The following RBFOX1 variants were observed in gnomAD, a reference collection of about 807,000 sequenced individuals.
RBFOX1 encodes RNA binding protein fox-1 homolog 1.
In RBFOX1, 8 loss-of-function variants were observed where a neutral mutation model predicts 57.7. That is an observed-to-expected ratio of 0.14 (90% CI 0.08 to 0.25). The LOEUF is 0.25. RBFOX1 is among the 10% of genes least tolerant of loss of function. The pLI, the probability that RBFOX1 is intolerant of heterozygous loss-of-function variation, is 1.00. For missense variants in RBFOX1, 611 were observed against 548.5 expected (o/e 1.11, Z -1.14); for synonymous variants, 326 against 222.4 (o/e 1.47, Z -4.15).
intron 14 of RBFOX1, among the ~76,000 whole-genome samples, chr16:7,695,331 C>G (rs952122609): frequency 1.3e-5 from 2 of 152,160 alleles, no homozygotes; most frequent in Non-Finnish European, 2.9e-5. Context: ...CAAAACTGCT[C>G]AGTCAACAAA....
chr16:7,086,312 T>A (rs996986138), intron 4 of RBFOX1, among the ~76,000 whole-genome samples: 3 of 152,288 alleles, frequency 2.0e-5, no homozygotes, highest in Admixed American at 6.5e-5. Flanking sequence ...TGTAAAAATA[T>A]CACTAATGGT....
At chr16:6,295,111 T>TG (rs1385195173) in intron 1 of RBFOX1, among the ~76,000 whole-genome samples, 10 of 88,172 alleles carry the variant, frequency 1.1e-4, no homozygotes, top group African/African-American at 3.1e-4. Context: ...TTTTTTTTTT[T>TG]TTTTTTTTTT....
intron 3 of RBFOX1, among the ~76,000 whole-genome samples, chr16:6,899,710 G>A (rs1174187932): frequency 2.0e-5 from 3 of 152,204 alleles, no homozygotes; most frequent in African/African-American, 7.2e-5. Context: ...CGCCCATGGA[G>A]GCTTCATGCA....
At chr16:5,361,018 T>A (rs1191900655) in intron 1 of RBFOX1, among the ~76,000 whole-genome samples, 1 of 152,118 alleles carries the variant, frequency 6.6e-6, no homozygotes, top group African/African-American at 2.4e-5. Context: ...GGAGAGACAA[T>A]GTCAACTCTA....
At chr16:6,295,614 C>T (rs941571329) in intron 1 of RBFOX1, among the ~76,000 whole-genome samples, 2 of 152,226 alleles carry the variant, frequency 1.3e-5, no homozygotes, top group Non-Finnish European at 2.9e-5. Context: ...CTAAAAGCTG[C>T]AGAGCGCTGT....
chr16:5,362,273 C>A lies in RBFOX1; in HGVS notation c.220-104943C>A, dbSNP rs186245808. ...TGGCACGATCTCAGCTCACTGCAGC[C>A]TCCGCCTCCTGGGTTTAAGTGATTC... On this transcript the variant is annotated intron_variant, in intron 1 of 2. Coordinates refer to the RBFOX1 transcript ENST00000585867. Among the ~76,000 whole-genome samples the A allele has an allele frequency of 6.0e-4, 92 of 152,304 alleles. 2 individuals carry two copies. The East Asian group carries it at 0.014, about 24-fold the overall frequency.
chr16:7,458,103 T>C (rs1343741441), intron 4 of RBFOX1, among the ~76,000 whole-genome samples: 1 of 152,140 alleles, frequency 6.6e-6, no homozygotes, highest in Non-Finnish European at 1.5e-5. Context: ...AGCTTCCTGT[T>C]CTTTGCCGTA....
At chr16:6,335,868 C>A (rs964807167) in intron 2 of RBFOX1, among the ~76,000 whole-genome samples, 1 of 149,568 alleles carries the variant, frequency 6.7e-6, no homozygotes, top group Non-Finnish European at 1.5e-5. Context: ...AGAGAACCTG[C>A]ATTGTGATAT....
chr16:7,365,413 C>A (rs750749555), intron 4 of RBFOX1, among the ~76,000 whole-genome samples: 1 of 152,134 alleles, frequency 6.6e-6, no homozygotes, highest in African/African-American at 2.4e-5. Context: ...GACAAAAGAA[C>A]CTTGTTAGTT....
At chr16:5,267,762 C>T (rs762875843) in intron 1 of RBFOX1, among the ~76,000 whole-genome samples, 1 of 152,134 alleles carries the variant, frequency 6.6e-6, no homozygotes, top group Non-Finnish European at 1.5e-5. Flanking sequence ...CACAGTGTGT[C>T]AGAACTTGCC....
chr16:7,345,877 T>G (rs2096990613), intron 4 of RBFOX1, among the ~76,000 whole-genome samples: 1 of 152,210 alleles, frequency 6.6e-6, no homozygotes, highest in Non-Finnish European at 1.5e-5. Context: ...GTGCACAACG[T>G]GCAGGTTTGT....
chr16:5,787,840 G>C (rs1349300554), intron 3 of RBFOX1, among the ~76,000 whole-genome samples: 2 of 152,200 alleles, frequency 1.3e-5, no homozygotes, highest in Non-Finnish European at 2.9e-5. Flanking sequence ...AACAAAGTTG[G>C]AAAGGAAGAA....
intron 1 of RBFOX1, among the ~76,000 whole-genome samples, chr16:6,261,588 C>T (rs925681868): frequency 1.3e-5 from 2 of 152,200 alleles, no homozygotes; most frequent in African/African-American, 4.8e-5. Flanking sequence ...CATCAAGCTT[C>T]ACCAGTTTCA....
chr16:7,308,817 A>T lies in RBFOX1; in HGVS notation c.28-209330A>T, dbSNP rs375157733. Among the ~76,000 whole-genome samples the T allele has an allele frequency of 2.6e-5, 4 of 152,362 alleles. No homozygotes were observed. In the East Asian group the frequency reaches 5.8e-4, roughly 22 times the overall value. On this transcript the variant is annotated intron_variant, in intron 4 of 15. Coordinates refer to ENST00000550418, the MANE Select transcript of RBFOX1 (RefSeq NM_018723.4). ...GTGGCCCCATGCACCAGCCACGGTT[A>T]TAAATTTTGGAAACATTAGGTAGGT...
intron 4 of RBFOX1, among the ~76,000 whole-genome samples, chr16:7,166,520 A>G (rs958333872): frequency 5.3e-5 from 8 of 152,234 alleles, no homozygotes; most frequent in Admixed American, 3.9e-4. Context: ...AAGGAACAGG[A>G]TGGCCTCAAA....
In RBFOX1 at chr16:6,549,681, T is replaced by C. The variant is rs1301817144; in HGVS notation, c.-63-104922T>C. On this transcript the variant is annotated intron_variant, in intron 2 of 15. Coordinates refer to ENST00000550418, the MANE Select transcript of RBFOX1 (RefSeq NM_018723.4). ...TACTTCTGAGCAAATCCCTAGACGA[T>C]AGGGCTGGAGTCTTCTGAGTGGCTG... 2.0e-5 allele frequency among the ~76,000 whole-genome samples: 3 copies of C among 152,142 alleles called. No homozygotes were observed. In the East Asian group the frequency reaches 5.9e-4, roughly 30 times the overall value.
chr16:5,645,908 T>G (rs1443052080), intron 3 of RBFOX1, among the ~76,000 whole-genome samples: 1 of 152,242 alleles, frequency 6.6e-6, no homozygotes, highest in Non-Finnish European at 1.5e-5. Flanking sequence ...GCATCATAGC[T>G]CACTGCAGCC....
intron 3 of RBFOX1, among the ~76,000 whole-genome samples, chr16:6,859,162 T>C (rs11859548): frequency 2.6e-4 from 23 of 90,090 alleles, no homozygotes; most frequent in African/African-American, 1.1e-3. Context: ...TGTATATATA[T>C]ACGTATATAT....
In RBFOX1 at chr16:5,746,345, T is replaced by C. The variant is rs540115395; in HGVS notation, c.319-120958T>C. On this transcript the variant is annotated intron_variant, in intron 3 of 19. Transcript: ENST00000641259. Reference sequence around the variant, plus strand: ...CATGCTGTTTTGGTTACTGTAGCCTTGTAGTATAGTTTGCAGTCAGGTAGC... The same window carrying C: ...CATGCTGTTTTGGTTACTGTAGCCTCGTAGTATAGTTTGCAGTCAGGTAGC... Among the ~76,000 whole-genome samples, 3 of 152,354 alleles carry C rather than the reference T, an allele frequency of 2.0e-5. No homozygotes were observed. The East Asian group carries it at 5.8e-4, about 29-fold the overall frequency.
Sources: gnomAD v4.1 joint callset for allele counts (sites outside exome capture counted in the v4.1 genomes callset) on GRCh38, gnomAD v4.1.1 for gene constraint, MANE v1.5 for transcripts, NCBI Gene and HGNC (gene_info 2026-07-23, HGNC 2026-07-21) for gene names.